WWP2: variants seen among roughly 807,000 people sequenced by gnomAD.
WWP2 encodes the protein NEDD4-like E3 ubiquitin-protein ligase WWP2.
A neutral mutation model predicts 121.0 loss-of-function variants in WWP2; 57 were observed. That is an observed-to-expected ratio of 0.47 (90% confidence interval 0.38 to 0.59). The LOEUF (loss-of-function observed/expected upper bound fraction) is 0.59, where lower values mean the gene tolerates loss of function less well. Ranked by LOEUF, WWP2 falls within the 20% of genes least tolerant of loss-of-function variation. The pLI is 0.00. For missense variants in WWP2, 962 were observed against 1,158.9 expected, an observed-to-expected ratio of 0.83 and a Z score of 2.47; for synonymous variants, 449 against 441.3, an observed-to-expected ratio of 1.02 and a Z score of -0.22.
At chr16:69,931,934 C>T (rs1278617604) in intron 16 of WWP2, 44 bp downstream of exon 16, 5 of 1,562,514 alleles carry the variant, frequency 3.2e-6, no homozygotes, top group Non-Finnish European at 4.4e-6. Context: ...CCCCGCTTCC[C>T]CAGGCTACAG....
intron 4 of WWP2, among the ~76,000 whole-genome samples, chr16:69,824,723 G>A (rs1403656736): frequency 6.6e-6 from 1 of 151,302 alleles, no homozygotes. Flanking sequence ...AAAATCAAAG[G>A]GCAGAGCTTT....
At chr16:69,874,295 G>A (rs116903569) in intron 7 of WWP2, among the ~76,000 whole-genome samples, 6 of 152,142 alleles carry the variant, frequency 3.9e-5, no homozygotes, top group East Asian at 1.9e-4. Context: ...CTTCAGCAGC[G>A]CAGGACCAGA....
At chr16:69,837,614 T>A (rs1481294979) in intron 4 of WWP2, among the ~76,000 whole-genome samples, 1 of 151,766 alleles carries the variant, frequency 6.6e-6, no homozygotes, top group African/African-American at 2.4e-5. Context: ...GTTCCTCCAC[T>A]CTCCTGTTGA....
chr16:69,936,545 G>T lies in WWP2; in HGVS notation c.2117+93G>T. ...ATGGGCCCCCACCTGTGGCCCATCG[G>T]TCACTGTGGATGCCATTTGCATTTG... On this transcript the variant is annotated intron_variant, in intron 19 of 23. Coordinates refer to ENST00000359154, the MANE Select transcript of WWP2 (RefSeq NM_001270454.2). The T allele has an allele frequency of 2.6e-6, 4 of 1,548,350 alleles. No homozygotes were observed. In the Admixed American group the frequency reaches 7.2e-5, roughly 28 times the overall value.
At chr16:69,809,520 A>G (rs1237325445) in intron 4 of WWP2, among the ~76,000 whole-genome samples, 3 of 152,068 alleles carry the variant, frequency 2.0e-5, no homozygotes, top group Non-Finnish European at 4.4e-5. Flanking sequence ...TAATCCCAGC[A>G]CTTTGGGAGG....
At chr16:69,821,981 A>T (rs923356269) in intron 4 of WWP2, among the ~76,000 whole-genome samples, 3 of 149,998 alleles carry the variant, frequency 2.0e-5, no homozygotes, top group Admixed American at 2.0e-4. Context: ...CGATCCTCCC[A>T]CCCCAGCCTC....
chr16:69,846,276 A>T (rs1000039828), intron 6 of WWP2, among the ~76,000 whole-genome samples: 3 of 152,192 alleles, frequency 2.0e-5, no homozygotes, highest in East Asian at 3.9e-4. Context: ...GGTTATATCC[A>T]TATGGTGGAA....
intron 4 of WWP2, among the ~76,000 whole-genome samples, chr16:69,821,854 G>A (rs778309067): frequency 3.2e-4 from 49 of 150,896 alleles, no homozygotes; most frequent in Non-Finnish European, 5.2e-4. Context: ...CACCATGCCC[G>A]GCTATTTTTC....
At chr16:69,896,920 G>A (rs959820294) in intron 8 of WWP2, among the ~76,000 whole-genome samples, 6 of 152,006 alleles carry the variant, frequency 3.9e-5, no homozygotes, top group Admixed American at 3.3e-4. Flanking sequence ...ACAGATACAC[G>A]TATAACACAC....
At chr16:69,922,685 A>G (rs2058580840) in intron 10 of WWP2, among the ~76,000 whole-genome samples, 1 of 152,174 alleles carries the variant, frequency 6.6e-6, no homozygotes, top group Non-Finnish European at 1.5e-5. Context: ...TTTTCTGGCC[A>G]TGATGCATAG....
chr16:69,778,498 T>C (rs376128021), intron 1 of WWP2, among the ~76,000 whole-genome samples: 1 of 151,976 alleles, frequency 6.6e-6, no homozygotes, highest in Non-Finnish European at 1.5e-5. Flanking sequence ...GAGTGTGAAG[T>C]CTGGGCCTCA....
intron 4 of WWP2, among the ~76,000 whole-genome samples, chr16:69,807,129 A>C (rs1172486013): frequency 6.6e-6 from 1 of 151,906 alleles, no homozygotes; most frequent in Non-Finnish European, 1.5e-5. Flanking sequence ...CCTGGTTTCA[A>C]GTGATTCTCC....
At chr16:69,767,106 T>G (rs2038749888) in intron 1 of WWP2, among the ~76,000 whole-genome samples, 2 of 152,014 alleles carry the variant, frequency 1.3e-5, no homozygotes, top group Non-Finnish European at 2.9e-5. Flanking sequence ...GAGGCTACTC[T>G]TCCAACTGTG....
Position 69,926,710 on chromosome 16 carries a change from C to T in WWP2, c.1234+1226C>T, listed in dbSNP as rs371626064. ...TTTGTTGATGTTCAGCTTGGGGATC[C>T]CTTACGCAGATAGCTGCCCCACATG... is the stretch of plus-strand genomic sequence containing the variant. On this transcript the variant is annotated intron_variant, in intron 11 of 23. Coordinates refer to ENST00000359154, the MANE Select transcript of WWP2 (RefSeq NM_001270454.2). Among the ~76,000 whole-genome samples, 98 of 152,210 alleles carry T rather than the reference C, an allele frequency of 6.4e-4. 1 individual carries two copies. The highest frequency in any genetic ancestry group is 2.2e-3 in the African/African-American group (90 of 41,560).
intron 7 of WWP2, among the ~76,000 whole-genome samples, chr16:69,880,935 G>A (rs567169116): frequency 6.6e-6 from 1 of 152,314 alleles, no homozygotes; most frequent in South Asian, 2.1e-4. Flanking sequence ...ACACACAGTG[G>A]ACTGGCAGTG....
intron 6 of WWP2, among the ~76,000 whole-genome samples, chr16:69,854,254 C>T (rs2057270649): frequency 6.6e-6 from 1 of 152,214 alleles, no homozygotes; most frequent in African/African-American, 2.4e-5. Flanking sequence ...TGACCATGTG[C>T]TGATGGAAGA....
intron 1 of WWP2, among the ~76,000 whole-genome samples, chr16:69,764,663 AT>A (rs1261855468): frequency 6.6e-6 from 1 of 152,196 alleles, no homozygotes; most frequent in Non-Finnish European, 1.5e-5. Context: ...TTCAGTGAAT[AT>A]TTATAAGTAC....
intron 4 of WWP2, among the ~76,000 whole-genome samples, chr16:69,835,022 A>G (rs2151863556): frequency 6.6e-6 from 1 of 152,334 alleles, no homozygotes; most frequent in Non-Finnish European, 1.5e-5. Context: ...GCACGGATGC[A>G]GATAGAGCAG....
chr16:69,936,219 G>T, intron 18 of WWP2, 93 bp from the exon 19 acceptor site: 4 of 1,572,250 alleles, frequency 2.5e-6, no homozygotes, highest in Non-Finnish European at 3.5e-6. Flanking sequence ...TAGGCCACCT[G>T]TGGGCCCTTG....
Sources: allele counts gnomAD v4.1 joint callset (sites outside exome capture counted in the v4.1 genomes callset), GRCh38; gene constraint gnomAD v4.1.1; transcripts MANE v1.5; gene names NCBI Gene and HGNC (gene_info 2026-07-23, HGNC 2026-07-21).